Variants in DCUN1D4 observed in about 807,000 individuals in gnomAD.
DCUN1D4 encodes DCN1-like protein 4.
Under a neutral mutation model 47.9 loss-of-function variants are expected in DCUN1D4, and 22 were observed. That is an observed-to-expected ratio of 0.46 (90% CI 0.33 to 0.66). The LOEUF (loss-of-function observed/expected upper bound fraction) is 0.66. DCUN1D4 is among the 30% of genes least tolerant of loss of function. The pLI, the probability that DCUN1D4 is intolerant of heterozygous loss-of-function variation, is 0.02. For missense variants in DCUN1D4, 301 were observed against 340.8 expected, an observed-to-expected ratio of 0.88 and a Z score of 0.92; for synonymous variants, 121 against 112.2, an observed-to-expected ratio of 1.08 and a Z score of -0.50.
intron 6 of DCUN1D4, among the ~76,000 whole-genome samples, chr4:51,890,512 ACCTGATC>A (rs1276922143): frequency 6.6e-6 from 1 of 152,176 alleles, no homozygotes; most frequent in Non-Finnish European, 1.5e-5. Context: ...AACAGTGTAT[ACCTGATC>A]CCTAATTTAG....
intron 1 of DCUN1D4, among the ~76,000 whole-genome samples, chr4:51,847,064 A>G (rs1722661700): frequency 6.6e-6 from 1 of 152,220 alleles, no homozygotes; most frequent in Non-Finnish European, 1.5e-5. Context: ...GAAGCCTGAC[A>G]CAGTGAATGT....
At chr4:51,866,688 G>A (rs1370649539) in intron 3 of DCUN1D4, among the ~76,000 whole-genome samples, 9 of 152,180 alleles carry the variant, frequency 5.9e-5, no homozygotes, top group Admixed American at 3.3e-4. Context: ...AATTAGATAA[G>A]TATTGTTACT....
At chr4:51,902,693 T>C (rs1187208549) in intron 8 of DCUN1D4, among the ~76,000 whole-genome samples, 1 of 152,202 alleles carries the variant, frequency 6.6e-6, no homozygotes, top group Non-Finnish European at 1.5e-5. Context: ...ATATGTGTTT[T>C]AACTGGGATG....
chr4:51,861,752 A>G (rs1406317587), intron 1 of DCUN1D4, among the ~76,000 whole-genome samples: 1 of 152,038 alleles, frequency 6.6e-6, no homozygotes. Context: ...GGAATGTATC[A>G]TTTGTCTTCC....
At chr4:51,852,643 G>A (rs550129425) in intron 1 of DCUN1D4, among the ~76,000 whole-genome samples, 5 of 152,244 alleles carry the variant, frequency 3.3e-5, no homozygotes, top group East Asian at 1.9e-4. Flanking sequence ...TGTCTTCTAC[G>A]TTCTAAATAA....
In DCUN1D4 at chr4:51,914,089, T is replaced by A. The variant is rs904985551; in HGVS notation, c.*505T>A. The A allele has an allele frequency of 1.3e-5, 2 of 153,158 alleles. No homozygotes were observed. Among genetic ancestry groups the A allele is most frequent in the African/African-American group, 4.8e-5 (2 of 41,458 alleles). 9.5% of individuals were successfully genotyped at this position (153,158 alleles called of 1,614,324 possible). On this transcript the variant is annotated 3_prime_UTR_variant, in exon 11 of 11. Transcript: ENST00000334635. ...AACTTCTGGAAGGAGGTAGGAGTCA[T>A]AACTTTTTAGAGGCATATGCCAAAT...
intron 5 of DCUN1D4, among the ~76,000 whole-genome samples, chr4:51,885,220 C>T (rs768161213): frequency 1.1e-4 from 17 of 151,746 alleles, no homozygotes; most frequent in Non-Finnish European, 1.8e-4. Flanking sequence ...CAGGATGGGT[C>T]GGGGGGAAAA....
At position 51,863,501 on chromosome 4, in the gene DCUN1D4, T is replaced by C; in HGVS notation, c.90T>C (p.Asn30=). 3 of 1,611,182 alleles carry C rather than the reference T, an allele frequency of 1.9e-6. No individual in the cohort carries two copies. The highest frequency in any genetic ancestry group is 1.7e-6 in the Non-Finnish European group (2 of 1,177,958). ...ANIHKIYHTL[N]KLNLTEDIGQ... is the part of the protein sequence containing the mutation. ...TTCATAAGATCTACCACACCCTTAA[T>C]AAGCTGGTAAGTCATTCTTTTAAAG... The change falls in exon 2 of 11, where the codon AAT becomes AAC. Residue 30 remains asparagine, a synonymous_variant. Transcript: ENST00000334635.
chr4:51,875,295 A>T (rs1042194975), intron 4 of DCUN1D4: 8 of 152,354 alleles, frequency 5.3e-5, no homozygotes, highest in South Asian at 2.1e-4. Context: ...TTTCAACTTT[A>T]CAAAGGCAGG....
At chr4:51,839,231 G>A (rs1021125640), upstream of DCUN1D4, among the ~76,000 whole-genome samples, 1 of 151,368 alleles carries the variant, frequency 6.6e-6, no homozygotes, top group African/African-American at 2.4e-5. Flanking sequence ...AAGAAAGAAA[G>A]AAAGAAAAGA....
chr4:51,913,632 A>C lies in DCUN1D4; in HGVS notation c.*48A>C. On this transcript the variant is annotated 3_prime_UTR_variant, in exon 11 of 11. Transcript: ENST00000334635. ...GAGTCACTGTTACCACAGTTTTGTC[A>C]CCCATTAGCCATAAATTGCTGTTTG... 1 of 1,556,604 alleles carries C rather than the reference A, an allele frequency of 6.4e-7. No individual in the cohort carries two copies. The highest frequency in any genetic ancestry group is 2.3e-5 in the East Asian group (1 of 44,424).
chr4:51,835,701 T>C, the DCUN1D4 span, among the ~76,000 whole-genome samples: 3 of 151,924 alleles, frequency 2.0e-5, no homozygotes, highest in Non-Finnish European at 4.4e-5. Context: ...GCTTGGGGCC[T>C]CGGGTTGAGG....
chr4:51,858,930 A>G (rs1410246991), intron 1 of DCUN1D4, among the ~76,000 whole-genome samples: 1 of 152,236 alleles, frequency 6.6e-6, no homozygotes, highest in African/African-American at 2.4e-5. Context: ...GGCCCTTCAT[A>G]CAGAGTTTAC....
chr4:51,879,037 T>C (rs776683465), intron 5 of DCUN1D4, among the ~76,000 whole-genome samples: 1 of 152,304 alleles, frequency 6.6e-6, no homozygotes, highest in East Asian at 1.9e-4. Context: ...GGGAGGATCA[T>C]GTCTTTCTCT....
chr4:51,912,154 G>A (rs948109161), intron 9 of DCUN1D4, among the ~76,000 whole-genome samples: 1 of 152,144 alleles, frequency 6.6e-6, no homozygotes, highest in Non-Finnish European at 1.5e-5. Context: ...TTGACATATG[G>A]TCTGTTCTAA....
At chr4:51,906,833 G>A (rs1185082300) in intron 8 of DCUN1D4, among the ~76,000 whole-genome samples, 1 of 152,166 alleles carries the variant, frequency 6.6e-6, no homozygotes, top group African/African-American at 2.4e-5. Flanking sequence ...TACTTCTGAG[G>A]GAAGCAGCCT....
chr4:51,856,073 G>A (rs1321764318), intron 1 of DCUN1D4, among the ~76,000 whole-genome samples: 4 of 152,194 alleles, frequency 2.6e-5, no homozygotes, highest in African/African-American at 4.8e-5. Context: ...TACCTCAGTC[G>A]TGTTCTTGTT....
At chr4:51,873,284 C>T (rs980717007) in intron 3 of DCUN1D4, among the ~76,000 whole-genome samples, 5 of 152,178 alleles carry the variant, frequency 3.3e-5, no homozygotes, top group African/African-American at 1.2e-4. Flanking sequence ...CCTTAGTTTT[C>T]CCTGTCTGTT....
chr4:51,837,678 A>C, the DCUN1D4 span, among the ~76,000 whole-genome samples: 1 of 150,510 alleles, frequency 6.6e-6, no homozygotes, highest in Admixed American at 6.6e-5. Context: ...AAAAAAAAAA[A>C]AAAAAAAGAA....
Sources: gnomAD v4.1 joint callset for allele counts (sites outside exome capture counted in the v4.1 genomes callset) on GRCh38, gnomAD v4.1.1 for gene constraint, MANE v1.5 for transcripts, NCBI Gene and HGNC (gene_info 2026-07-23, HGNC 2026-07-21) for gene names.